PCLO: variants seen among roughly 807,000 people sequenced by gnomAD.
PCLO encodes protein piccolo.
Under a neutral mutation model 427.5 loss-of-function variants are expected in PCLO, and 82 were observed. That is an observed-to-expected ratio of 0.19 (90% confidence interval 0.16 to 0.23). The LOEUF (loss-of-function observed/expected upper bound fraction) is 0.23. Ranked by LOEUF, PCLO falls within the 10% of genes least tolerant of loss-of-function variation. The pLI is 1.00. For synonymous variants in PCLO, 2,357 were observed against 2,155.4 expected (o/e 1.09, Z -2.59); for missense variants, 6,239 against 6,115.9 (o/e 1.02, Z -0.67).
intron 20 of PCLO, among the ~76,000 whole-genome samples, chr7:82,807,834 G>A (rs1402438261): frequency 6.6e-6 from 1 of 151,952 alleles, no homozygotes; most frequent in Admixed American, 6.6e-5. Flanking sequence ...TGAACTGAAT[G>A]CTGTTAAACA....
At chr7:83,096,319 C>A (rs557970856) in intron 3 of PCLO, among the ~76,000 whole-genome samples, 2 of 152,096 alleles carry the variant, frequency 1.3e-5, no homozygotes, top group Non-Finnish European at 2.9e-5. Context: ...ATTCTTTCCA[C>A]ATCTGCACTT....
intron 2 of PCLO, among the ~76,000 whole-genome samples, chr7:83,148,563 G>C (rs1441461352): frequency 6.6e-6 from 1 of 151,762 alleles, no homozygotes; most frequent in Non-Finnish European, 1.5e-5. Context: ...AAAATTCTAG[G>C]TCCTTATTTT....
At chr7:83,125,920 T>G (rs376931086) in intron 3 of PCLO, among the ~76,000 whole-genome samples, 2 of 151,726 alleles carry the variant, frequency 1.3e-5, no homozygotes, top group African/African-American at 4.8e-5. Flanking sequence ...AAGACATATA[T>G]GCACTCCCAT....
At chr7:82,866,074 GT>G (rs1793085408) in intron 10 of PCLO, among the ~76,000 whole-genome samples, 1 of 152,088 alleles carries the variant, frequency 6.6e-6, no homozygotes, top group Admixed American at 6.6e-5. Flanking sequence ...CTTCCTTTCT[GT>G]CTTGCTGTTC....
intron 3 of PCLO, among the ~76,000 whole-genome samples, chr7:83,101,441 T>G (rs1438450912): frequency 6.6e-6 from 1 of 152,058 alleles, no homozygotes; most frequent in Non-Finnish European, 1.5e-5. Context: ...TAATTCTACA[T>G]AGTTGGATAT....
intron 10 of PCLO, among the ~76,000 whole-genome samples, chr7:82,856,911 T>C (rs1285440910): frequency 1.3e-5 from 2 of 152,018 alleles, no homozygotes; most frequent in African/African-American, 4.8e-5. Context: ...AATGCCATTA[T>C]TTCAGGAGTG....
chr7:82,999,285 G>T (rs1787716561), intron 3 of PCLO, among the ~76,000 whole-genome samples: 1 of 136,960 alleles, frequency 7.3e-6, no homozygotes, highest in Admixed American at 7.6e-5. Flanking sequence ...AAATATATAT[G>T]GATATATAAT....
intron 3 of PCLO, among the ~76,000 whole-genome samples, chr7:83,027,228 AAG>A (rs1411834797): frequency 2.8e-5 from 4 of 145,418 alleles, no homozygotes; most frequent in South Asian, 4.6e-4. Flanking sequence ...TAAAGAAAAA[AAG>A]AGAGAAGAAT....
intron 3 of PCLO, among the ~76,000 whole-genome samples, chr7:83,083,795 C>T (rs1241183112): frequency 2.6e-5 from 4 of 152,072 alleles, no homozygotes; most frequent in East Asian, 1.9e-4. Context: ...AACATATTTG[C>T]AACTATTGGA....
chr7:82,956,386 G>A lies in PCLO; in HGVS notation c.4567C>T (p.Pro1523Ser), dbSNP rs201756950. 212 of 1,613,372 alleles carry A rather than the reference G, an allele frequency of 1.3e-4. No individual in the cohort carries two copies. Among genetic ancestry groups the A allele is most frequent in the Admixed American group, 7.7e-4 (46 of 59,980 alleles). ...GTTCTTCGTTTTCTTTGTGGAACAG[G>A]TGAGTTTTCACTTTCACTACTCTCT... The part of the protein sequence containing the change: ...VEESSESENS[P>S]VPQRKRRTSV... The change falls in exon 5 of 25, where the codon CCT becomes TCT. Residue 1523 changes from proline (P) to serine (S), a missense_variant. Transcript: ENST00000333891.
Position 82,805,849 on chromosome 7 carries a change from T to A in PCLO, c.14792-20A>T. 6.3e-7 allele frequency: 1 copy of A among 1,586,482 alleles called. No homozygotes were observed. The highest frequency in any genetic ancestry group is 8.6e-7 in the Non-Finnish European group (1 of 1,165,746). On this transcript the variant is annotated intron_variant, in intron 20 of 24. Transcript: ENST00000333891. ...GCTTTGCTGCATGGTGTGGGAAGAT[T>A]CAACACCACAGTCAATAAATGAAGC...
At chr7:82,870,008 C>T (rs1026756662) in intron 10 of PCLO, among the ~76,000 whole-genome samples, 2 of 151,918 alleles carry the variant, frequency 1.3e-5, no homozygotes, top group Non-Finnish European at 2.9e-5. Context: ...AATGTCCACA[C>T]TATGCAAAAT....
chr7:83,099,149 T>C (rs752655616), intron 3 of PCLO, among the ~76,000 whole-genome samples: 24 of 150,752 alleles, frequency 1.6e-4, no homozygotes, highest in African/African-American at 5.9e-4. Context: ...ATCTCTTCTG[T>C]AGACAAAGGA....
intron 3 of PCLO, among the ~76,000 whole-genome samples, chr7:83,119,842 T>C (rs894680731): frequency 2.8e-5 from 4 of 145,232 alleles, no homozygotes; most frequent in Non-Finnish European, 6.0e-5. Context: ...AAAGCAAATA[T>C]TGAAGTAATT....
intron 4 of PCLO, 132 bp downstream of exon 4, chr7:82,965,639 C>T: frequency 4.9e-6 from 3 of 616,042 alleles, no homozygotes; most frequent in Non-Finnish European, 8.4e-6. Context: ...AAGTGTTATA[C>T]TTCTTTAAGA....
chr7:83,151,050 C>G (rs1792116404), intron 2 of PCLO, among the ~76,000 whole-genome samples: 1 of 152,124 alleles, frequency 6.6e-6, no homozygotes, highest in African/African-American at 2.4e-5. Flanking sequence ...GTAACAGAAG[C>G]TTACAGCCTC....
rs1332968657 is a variant in PCLO at position 83,006,555 on chromosome 7, T to C, written c.3301-40068A>G. ...CAGCAAAACAATAATTATTCCTTCA[T>C]TGAACCTTGGAAATACAGTAAAAAA... On this transcript the variant is annotated intron_variant, in intron 3 of 24. Coordinates refer to ENST00000333891, the MANE Select transcript of PCLO (RefSeq NM_033026.6). Among the ~76,000 whole-genome samples the C allele has an allele frequency of 4.0e-5, 6 of 151,452 alleles. No homozygotes were observed. The East Asian group carries it at 5.8e-4, about 15-fold the overall frequency.
rs550157462 is a variant in PCLO, at chr7:82,763,616, A to G, written c.15008-2123T>C. ...AGCAACTGTTTGATGAAATTAGCTT[A>G]AAATTTGTAAGTCCAGATATACCCT... On this transcript the variant is annotated intron_variant, in intron 22 of 24. Coordinates refer to ENST00000333891, the MANE Select transcript of PCLO (RefSeq NM_033026.6). Among the ~76,000 whole-genome samples, 119 of 152,192 alleles carry G rather than the reference A, an allele frequency of 7.8e-4. 1 individual carries two copies. The highest frequency in any genetic ancestry group is 2.5e-3 in the African/African-American group (103 of 41,550).
chr7:82,776,896 A>G (rs1414816428), intron 22 of PCLO, among the ~76,000 whole-genome samples: 2 of 149,200 alleles, frequency 1.3e-5, no homozygotes, highest in African/African-American at 5.1e-5. Context: ...GTGTGTATAT[A>G]TAGATATACG....
Sources: allele counts gnomAD v4.1 joint callset (sites outside exome capture counted in the v4.1 genomes callset), GRCh38; gene constraint gnomAD v4.1.1; transcripts MANE v1.5; gene names NCBI Gene and HGNC (gene_info 2026-07-23, HGNC 2026-07-21).